FOXD2: variants seen among roughly 807,000 people sequenced by gnomAD.
The protein encoded by FOXD2 is forkhead box D2.
In FOXD2, 4 loss-of-function variants were observed where a neutral mutation model predicts 6.4. The ratio of observed to expected loss-of-function variants is 0.62; its 90% CI spans 0.31 to 1.42. FOXD2 has a LOEUF of 1.42. Among genes scored for constraint, FOXD2 ranks in the 40% most tolerant of loss-of-function variants. FOXD2 has a pLI of 0.08. For missense variants in FOXD2, 709 were observed against 766.8 expected, an observed-to-expected ratio of 0.92 and a Z score of 0.89; for synonymous variants, 393 against 373.6, an observed-to-expected ratio of 1.05 and a Z score of -0.60.
rs554919952 is a variant in FOXD2, at chr1:47,438,065, G to A, written c.-71G>A. ...GCGCGCAAAACGCACTCGCCCCAGA[G>A]GCAGCGCGGCCGAGCCCGAGCCGCT... On this transcript the variant is annotated 5_prime_UTR_variant, in exon 1 of 1. Coordinates refer to ENST00000334793, the MANE Select transcript of FOXD2 (RefSeq NM_004474.4). 7.2e-5 allele frequency: 93 copies of A among 1,287,748 alleles called. No individual in the cohort carries two copies. The African/African-American group carries it at 1.4e-3, about 19-fold the overall frequency. The allele number at this position is 1,287,748 out of a possible 1,614,324, so 79.8% of individuals were successfully genotyped here. A position where few individuals can be genotyped will look rare whatever the true frequency, so the allele number is the denominator to read the frequency against.
At position 47,439,290 on chromosome 1, in the gene FOXD2, A is replaced by G. The variant is rs766785076; in HGVS notation, c.1155A>G (p.Ala385=). 6.7e-7 allele frequency: 1 copy of G among 1,494,416 alleles called. No homozygotes were observed. Among genetic ancestry groups the G allele is most frequent in the South Asian group, 1.3e-5 (1 of 78,212 alleles). The allele number at this position is 1,494,416 out of a possible 1,614,324, so 92.6% of individuals were successfully genotyped here. A position where few individuals can be genotyped will look rare whatever the true frequency, so the allele number is the denominator to read the frequency against. The change falls in exon 1 of 1, where the codon GCA becomes GCG. Residue 385 remains alanine, a synonymous_variant. Coordinates refer to ENST00000334793, the MANE Select transcript of FOXD2 (RefSeq NM_004474.4). ...GCACCGCGGCGGGTCTGCCCACCGC[A>G]CTTCTGCGCCAGGGCCTCAAGACGG... ...AAGTAAGLPT[A]LLRQGLKTDA... is the part of the protein sequence containing the mutation.
Position 47,439,616 on chromosome 1 carries a change from A to G in FOXD2, c.1481A>G (p.His494Arg). Residue 494 changes from histidine to arginine, a missense_variant, in exon 1 of 1, where the codon CAC becomes CGC. Physicochemically the swap from His to Arg is conservative, Grantham distance 29. Around this residue, in one of 5 missense-constraint regions of FOXD2, gnomAD observed 322 missense variants for 313.8 expected, o/e 1.03. Transcript: ENST00000334793. ...AAAGTCGCCGGCCTTAGTGGCTGCC[A>G]CTTCTGACCGCAGCAGGCCCAGGGC... Reference protein sequence around the residue: ...ASKVAGLSGCHF With the variant: ...ASKVAGLSGCRF The G allele has an allele frequency of 1.3e-6, 2 of 1,551,608 alleles. No individual in the cohort carries two copies. The highest frequency in any genetic ancestry group is 8.7e-7 in the Non-Finnish European group (1 of 1,148,192).
In FOXD2 at chr1:47,438,059, C is replaced by T. The variant is rs1385232903; in HGVS notation, c.-77C>T. 1.6e-6 allele frequency: 2 copies of T among 1,284,568 alleles called. No individual in the cohort carries two copies. Among genetic ancestry groups the T allele is most frequent in the African/African-American group, 1.6e-5 (1 of 64,194 alleles). 79.6% of individuals were successfully genotyped at this position (1,284,568 alleles called of 1,614,324 possible). A position where few individuals can be genotyped will look rare whatever the true frequency, so the allele number is the denominator to read the frequency against. On this transcript the variant is annotated 5_prime_UTR_variant, in exon 1 of 1. Coordinates refer to ENST00000334793, the MANE Select transcript of FOXD2 (RefSeq NM_004474.4). Reference sequence around the variant, plus strand: ...CCGCCCGCGCGCAAAACGCACTCGCCCCAGAGGCAGCGCGGCCGAGCCCGA... The same window carrying T: ...CCGCCCGCGCGCAAAACGCACTCGCTCCAGAGGCAGCGCGGCCGAGCCCGA...
rs1298692506 is a variant in FOXD2 at position 47,439,043 on chromosome 1, C to T, written c.908C>T (p.Ala303Val). The stretch of plus-strand genomic sequence containing the variant: ...TTCGCTTTCGCCGCGGCAGCCGCCG[C>T]CGCTCCTTGCCAGCTGTCGGTACCC... ...HAFAFAAAAA[A>V]APCQLSVPPG... The change falls in exon 1 of 1, where the codon GCC becomes GTC. Residue 303 changes from alanine (A) to valine (V), a missense_variant. Coordinates refer to ENST00000334793, the MANE Select transcript of FOXD2 (RefSeq NM_004474.4). The T allele has an allele frequency of 4.8e-6, 7 of 1,445,654 alleles. No individual in the cohort carries two copies. Among genetic ancestry groups the T allele is most frequent in the Middle Eastern group, 2.4e-4 (1 of 4,168 alleles). The allele number at this position is 1,445,654 out of a possible 1,614,324, so 89.6% of individuals were successfully genotyped here. A position where few individuals can be genotyped will look rare whatever the true frequency, so the allele number is the denominator to read the frequency against.
rs1390749072 is a variant in FOXD2, at chr1:47,438,534, C to A, written c.399C>A (p.Ile133=). 6.2e-7 allele frequency: 1 copy of A among 1,612,356 alleles called. No individual in the cohort carries two copies. The highest frequency in any genetic ancestry group is 2.2e-5 in the East Asian group (1 of 44,734). Residue 133 remains isoleucine, a synonymous_variant, in exon 1 of 1, where the codon ATC becomes ATA. Transcript: ENST00000334793. ...SPLVKPPYSY[I]ALITMAILQS... ...TGGTGAAGCCGCCCTACTCGTACAT[C>A]GCGCTCATCACCATGGCCATCCTGC...
rs1372541434 is a variant in FOXD2 at position 47,439,121 on chromosome 1, C to T, written c.986C>T (p.Ala329Val). The change falls in exon 1 of 1, where the codon GCA (alanine) becomes GTA (valine). Residue 329 changes from alanine (A) to valine (V), a missense_variant. Physicochemically the swap from Ala to Val is moderately conservative, Grantham distance 64. Coordinates refer to ENST00000334793, the MANE Select transcript of FOXD2 (RefSeq NM_004474.4). ...PPGPPTASVF[A>V]GAGSAPAPAP... ...GGACCTCCGACGGCCTCGGTGTTCG[C>T]AGGCGCGGGATCGGCCCCAGCTCCT... 2.1e-6 allele frequency: 3 copies of T among 1,459,912 alleles called. No individual in the cohort carries two copies. The highest frequency in any genetic ancestry group is 2.7e-6 in the Non-Finnish European group (3 of 1,111,566). The allele number at this position is 1,459,912 out of a possible 1,614,324, so 90.4% of individuals were successfully genotyped here.
Position 47,439,757 on chromosome 1 carries a change from C to T in FOXD2, c.*134C>T, listed in dbSNP as rs114613832. The T allele has an allele frequency of 2.2e-5, 17 of 768,070 alleles. No individual in the cohort carries two copies. In the Admixed American group the frequency reaches 4.4e-4, roughly 20 times the overall value. The allele number at this position is 768,070 out of a possible 1,614,324, so 47.6% of individuals were successfully genotyped here. A position where few individuals can be genotyped will look rare whatever the true frequency, so the allele number is the denominator to read the frequency against. ...GGCCGGCACGCGTGACACGGCACTT[C>T]AGGCTCCACGCACAGAATCTCGCAG... On this transcript the variant is annotated 3_prime_UTR_variant, in exon 1 of 1. Transcript: ENST00000334793.
chr1:47,438,899 C>A lies in FOXD2; in HGVS notation c.764C>A (p.Ala255Asp). Residue 255 changes from alanine (A) to aspartate (D), a missense_variant, in exon 1 of 1, where the codon GCT becomes GAT. Physicochemically the swap from Ala to Asp is moderately radical, Grantham distance 126. Around this residue, in one of 5 missense-constraint regions of FOXD2, gnomAD observed 98 missense variants for 91.0 expected, o/e 1.08. Transcript: ENST00000334793. ...GCCGCGGCGGCGGGGGATCCCGGCG[C>A]TTTCCTGCCCGGCTTCGCTGCCTAC... ...GGAAAAGDPG[A>D]FLPGFAAYGA... The A allele has an allele frequency of 6.4e-7, 1 of 1,551,336 alleles. No individual in the cohort carries two copies. The highest frequency in any genetic ancestry group is 8.7e-7 in the Non-Finnish European group (1 of 1,149,916).
At position 47,439,697 on chromosome 1, in the gene FOXD2, C is replaced by A; in HGVS notation, c.*74C>A. The A allele has an allele frequency of 1.4e-6, 2 of 1,379,922 alleles. No homozygotes were observed. Among genetic ancestry groups the A allele is most frequent in the Non-Finnish European group, 2.0e-6 (2 of 1,012,686 alleles). The allele number at this position is 1,379,922 out of a possible 1,614,324, so 85.5% of individuals were successfully genotyped here. ...GGGAGTTCCTGCGGTCCCAGCGGAA[C>A]TCAGGGAGTCTATTTATGAAGTCTC... On this transcript the variant is annotated 3_prime_UTR_variant, in exon 1 of 1. Transcript: ENST00000334793.
In FOXD2 at chr1:47,438,582, G is replaced by A. The variant is rs1646988291; in HGVS notation, c.447G>A (p.Thr149=). The change falls in exon 1 of 1, where the codon ACG becomes ACA. Residue 149 remains threonine, a synonymous_variant. Coordinates refer to ENST00000334793, the MANE Select transcript of FOXD2 (RefSeq NM_004474.4). ...AILQSPKKRL[T]LSEICEFISG... is the part of the protein sequence containing the mutation. ...TGCAGAGCCCCAAGAAGCGGCTGAC[G>A]TTGAGCGAGATCTGCGAGTTCATCA... 2 of 1,613,918 alleles carry A rather than the reference G, an allele frequency of 1.2e-6. No individual in the cohort carries two copies. The highest frequency in any genetic ancestry group is 1.7e-6 in the Non-Finnish European group (2 of 1,179,932).
rs1309551821 is a variant in FOXD2 at position 47,439,046 on chromosome 1, C to T, written c.911C>T (p.Ala304Val). Residue 304 changes from alanine to valine, a missense_variant, in exon 1 of 1, where the codon GCT (alanine) becomes GTT (valine). Around this residue, in one of 5 missense-constraint regions of FOXD2, gnomAD observed 322 missense variants for 313.8 expected, o/e 1.03. Transcript: ENST00000334793. Reference sequence around the variant, plus strand: ...GCTTTCGCCGCGGCAGCCGCCGCCGCTCCTTGCCAGCTGTCGGTACCCCCA... The same window carrying T: ...GCTTTCGCCGCGGCAGCCGCCGCCGTTCCTTGCCAGCTGTCGGTACCCCCA... ...AFAFAAAAAA[A>V]PCQLSVPPGR... 2 of 1,447,862 alleles carry T rather than the reference C, an allele frequency of 1.4e-6. No individual in the cohort carries two copies. The highest frequency in any genetic ancestry group is 2.6e-5 in the Admixed American group (1 of 38,844). 89.7% of individuals were successfully genotyped at this position (1,447,862 alleles called of 1,614,324 possible).
Position 47,438,087 on chromosome 1 carries a change from C to T in FOXD2, c.-49C>T, listed in dbSNP as rs750452322. Reference sequence around the variant, plus strand: ...AGAGGCAGCGCGGCCGAGCCCGAGCCGCTGCCGGAGCGGAGCCGGAGAGTG... The same window carrying T: ...AGAGGCAGCGCGGCCGAGCCCGAGCTGCTGCCGGAGCGGAGCCGGAGAGTG... On this transcript the variant is annotated 5_prime_UTR_variant, in exon 1 of 1. Coordinates refer to ENST00000334793, the MANE Select transcript of FOXD2 (RefSeq NM_004474.4). 4.4e-5 allele frequency: 59 copies of T among 1,332,742 alleles called. No homozygotes were observed. In the East Asian group the frequency reaches 6.2e-4, roughly 14 times the overall value. 82.6% of individuals were successfully genotyped at this position (1,332,742 alleles called of 1,614,324 possible). A position where few individuals can be genotyped will look rare whatever the true frequency, so the allele number is the denominator to read the frequency against.
chr1:47,439,281 G>C lies in FOXD2; in HGVS notation c.1146G>C (p.Leu382=), dbSNP rs1308194295. The change falls in exon 1 of 1, where the codon CTG becomes CTC. Residue 382 remains leucine, a synonymous_variant. Transcript: ENST00000334793. ...SPPAAGTAAG[L]PTALLRQGLK... is the part of the protein sequence containing the mutation. Reference sequence around the variant, plus strand: ...CCGCAGCCGGCACCGCGGCGGGTCTGCCCACCGCACTTCTGCGCCAGGGCC... The same window carrying C: ...CCGCAGCCGGCACCGCGGCGGGTCTCCCCACCGCACTTCTGCGCCAGGGCC... The C allele has an allele frequency of 8.7e-6, 13 of 1,500,408 alleles. No individual in the cohort carries two copies. The highest frequency in any genetic ancestry group is 1.1e-5 in the Non-Finnish European group (13 of 1,137,024). 92.9% of individuals were successfully genotyped at this position (1,500,408 alleles called of 1,614,324 possible). A position where few individuals can be genotyped will look rare whatever the true frequency, so the allele number is the denominator to read the frequency against.
Position 47,439,255 on chromosome 1 carries a change from C to T in FOXD2, c.1120C>T (p.Pro374Ser). The change falls in exon 1 of 1, where the codon CCC (proline) becomes TCC (serine). Residue 374 changes from proline (P) to serine (S), a missense_variant. Coordinates refer to ENST00000334793, the MANE Select transcript of FOXD2 (RefSeq NM_004474.4). ...CTTCTACGCGGCGTCCCTGAGTCCT[C>T]CCGCAGCCGGCACCGCGGCGGGTCT... ...KAFYAASLSP[P>S]AAGTAAGLPT... The T allele has an allele frequency of 6.6e-7, 1 of 1,505,616 alleles. No homozygotes were observed. 93.3% of individuals were successfully genotyped at this position (1,505,616 alleles called of 1,614,324 possible).
chr1:47,439,125 C>A lies in FOXD2; in HGVS notation c.990C>A (p.Gly330=), dbSNP rs1348049210. The A allele has an allele frequency of 1.4e-6, 2 of 1,459,782 alleles. No homozygotes were observed. The highest frequency in any genetic ancestry group is 1.8e-6 in the Non-Finnish European group (2 of 1,111,580). 90.4% of individuals were successfully genotyped at this position (1,459,782 alleles called of 1,614,324 possible). A position where few individuals can be genotyped will look rare whatever the true frequency, so the allele number is the denominator to read the frequency against. Residue 330 remains glycine (G), a synonymous_variant, in exon 1 of 1, where the codon GGC becomes GGA. Transcript: ENST00000334793. ...PGPPTASVFA[G]AGSAPAPAPA... Reference sequence around the variant, plus strand: ...CTCCGACGGCCTCGGTGTTCGCAGGCGCGGGATCGGCCCCAGCTCCTGCGC... The same window carrying A: ...CTCCGACGGCCTCGGTGTTCGCAGGAGCGGGATCGGCCCCAGCTCCTGCGC...
In FOXD2 at chr1:47,438,657, C is replaced by T; in HGVS notation, c.522C>T (p.Ser174=). 6.2e-7 allele frequency: 1 copy of T among 1,614,008 alleles called. No individual in the cohort carries two copies. The highest frequency in any genetic ancestry group is 8.5e-7 in the Non-Finnish European group (1 of 1,179,982). ...AGAAGTTCCCCGCCTGGCAGAACAGCATCCGCCACAACCTCTCTCTCAACG... is the reference window on the plus strand; with the variant it reads ...AGAAGTTCCCCGCCTGGCAGAACAGTATCCGCCACAACCTCTCTCTCAACG... ...YREKFPAWQN[S]IRHNLSLNDC... Residue 174 remains serine, a synonymous_variant, in exon 1 of 1, where the codon AGC becomes AGT. Transcript: ENST00000334793.
At position 47,439,889 on chromosome 1, in the gene FOXD2, G is replaced by T. The variant is rs567046816; in HGVS notation, c.*266G>T. ...CAGTTTGAGAAATAAAAGCAGGGGG[G>T]TGGGGGCTTCGTTTTTTTCCCTGCC... On this transcript the variant is annotated 3_prime_UTR_variant, in exon 1 of 1. Transcript: ENST00000334793. 5.6e-4 allele frequency: 238 copies of T among 421,904 alleles called. No individual in the cohort carries two copies. The highest frequency in any genetic ancestry group is 4.8e-3 in the African/African-American group (221 of 46,282). The allele number at this position is 421,904 out of a possible 1,614,324, so 26.1% of individuals were successfully genotyped here.
Position 47,438,446 on chromosome 1 carries a change from C to A in FOXD2, c.311C>A (p.Ala104Asp). 8 of 1,096,420 alleles carry A rather than the reference C, an allele frequency of 7.3e-6. No homozygotes were observed. The highest frequency in any genetic ancestry group is 4.1e-4 in the Middle Eastern group (1 of 2,428). 67.9% of individuals were successfully genotyped at this position (1,096,420 alleles called of 1,614,324 possible). The change falls in exon 1 of 1, where the codon GCC (alanine) becomes GAC (aspartate). Residue 104 changes from alanine to aspartate, a missense_variant. Transcript: ENST00000334793. ...AGSPGPGAAA[A>D]RGAAGPGPGP... ...AGCCCGGGGCCAGGCGCCGCGGCGG[C>A]CCGCGGCGCAGCGGGGCCCGGGCCG...
Position 47,439,809 on chromosome 1 carries a change from G to C in FOXD2, c.*186G>C. The C allele has an allele frequency of 1.7e-6, 1 of 584,442 alleles. No homozygotes were observed. The highest frequency in any genetic ancestry group is 3.0e-6 in the Non-Finnish European group (1 of 336,094). 36.2% of individuals were successfully genotyped at this position (584,442 alleles called of 1,614,324 possible). On this transcript the variant is annotated 3_prime_UTR_variant, in exon 1 of 1. Transcript: ENST00000334793. ...TAGTTGGGACTAAGCGGGCTCTATC[G>C]CTCAGGGCGACAGGCCCGGGGCTAC...
Sources: gnomAD v4.1 joint callset for allele counts on GRCh38, gnomAD v4.1.1 for gene constraint, gnomAD v4.1.1 regional missense constraint, MANE v1.5 for transcripts, NCBI Gene and HGNC (gene_info 2026-07-23, HGNC 2026-07-21) for gene names.